The following SHOX2 variants were observed in gnomAD, a reference collection of about 807,000 sequenced individuals.
SHOX2 encodes short stature homeobox protein 2.
Under a neutral mutation model 31.3 loss-of-function variants are expected in SHOX2, and 13 were observed. The ratio of observed to expected loss-of-function variants is 0.42; its 90% CI spans 0.27 to 0.66. The LOEUF (loss-of-function observed/expected upper bound fraction) is 0.66, where lower values mean the gene tolerates loss of function less well. SHOX2 is among the 30% of genes least tolerant of loss of function. The pLI is 0.27. For synonymous variants in SHOX2, 244 were observed against 196.2 expected, an observed-to-expected ratio of 1.24 and a Z score of -2.04; for missense variants, 473 against 443.0, an observed-to-expected ratio of 1.07 and a Z score of -0.61.
At chr3:158,102,580 C>T in intron 2 of SHOX2, 98 bp downstream of exon 2, 1 of 928,722 alleles carries the variant, frequency 1.1e-6, no homozygotes, top group Non-Finnish European at 1.7e-6. Flanking sequence ...TTACACCAGA[C>T]ACTAGAAGCA....
At position 158,106,072 on chromosome 3, in the gene SHOX2, GCT is replaced by G. The variant is rs778795288; in HGVS notation, c.-50_-49del. The G allele has an allele frequency of 4.4e-6, 7 of 1,607,724 alleles. No individual in the cohort carries two copies. The Admixed American group carries it at 1.2e-4, about 27-fold the overall frequency. ...GCTCAACCTCTGCCAGCAGAGCCCC[GCT>G]CTTTTTTTCCTTCTTCTTTTTTTAC... On this transcript the variant is annotated 5_prime_UTR_variant, in exon 1 of 5. Transcript: ENST00000483851.
chr3:158,098,665 C>A (rs1242859526), intron 4 of SHOX2, among the ~76,000 whole-genome samples: 1 of 152,204 alleles, frequency 6.6e-6, no homozygotes, highest in Non-Finnish European at 1.5e-5. Flanking sequence ...ATCTCTTACC[C>A]CACTACCAAA....
In SHOX2 at chr3:158,096,322, A is replaced by G. The variant is rs1447834850; in HGVS notation, c.*1705T>C. ...AACAAAAACAAAACCCCACAAACTT[A>G]GGCTTGCTAGCGAATTGGGATACAG... On this transcript the variant is annotated 3_prime_UTR_variant, in exon 5 of 5. Transcript: ENST00000483851. 6.6e-6 allele frequency: 1 copy of G among 152,240 alleles called. No individual in the cohort carries two copies. Among genetic ancestry groups the G allele is most frequent in the Non-Finnish European group, 1.5e-5 (1 of 68,012 alleles). 9.4% of individuals were successfully genotyped at this position (152,240 alleles called of 1,614,324 possible). A position where few individuals can be genotyped will look rare whatever the true frequency, so the allele number is the denominator to read the frequency against.
rs1335056593 is a variant in SHOX2, at chr3:158,096,928, A to ATATATATATATATG, written c.*1098_*1099insCATATATATATATA. 4.1e-5 allele frequency: 5 copies of ATATATATATATATG among 121,232 alleles called. No individual in the cohort carries two copies. Among genetic ancestry groups the ATATATATATATATG allele is most frequent in the African/African-American group, 1.6e-4 (5 of 32,068 alleles). The allele number at this position is 121,232 out of a possible 1,614,324, so 7.5% of individuals were successfully genotyped here. A position where few individuals can be genotyped will look rare whatever the true frequency, so the allele number is the denominator to read the frequency against. On this transcript the variant is annotated 3_prime_UTR_variant, in exon 5 of 5. Coordinates refer to ENST00000483851, the MANE Select transcript of SHOX2 (RefSeq NM_001163678.2). ...TATATATATATATATATATATATAT[A>ATATATATATATATG]TATGGCAAATATATGATATATATAT...
At position 158,096,930 on chromosome 3, in the gene SHOX2, A is replaced by ATATATG. The variant is rs67436323; in HGVS notation, c.*1096_*1097insCATATA. 2,407 of 101,788 alleles carry ATATATG rather than the reference A, an allele frequency of 0.024. 194 individuals are homozygous for ATATATG. Among genetic ancestry groups the ATATATG allele is most frequent in the East Asian group, 0.096 (210 of 2,182 alleles). The allele number at this position is 101,788 out of a possible 1,614,324, so 6.3% of individuals were successfully genotyped here. On this transcript the variant is annotated 3_prime_UTR_variant, in exon 5 of 5. Transcript: ENST00000483851. ...TATATATATATATATATATATATAT[A>ATATATG]TGGCAAATATATGATATATATATAT...
At position 158,102,902 on chromosome 3, in the gene SHOX2, C is replaced by T; in HGVS notation, c.347-16G>A. On this transcript the variant is annotated splice_polypyrimidine_tract_variant and intron_variant, in intron 1 of 4. Coordinates refer to ENST00000483851, the MANE Select transcript of SHOX2 (RefSeq NM_001163678.2). ...TCCGGGGACACTGGAGGGGGCACCC[C>T]AGCGGGGCCACACGTGCATCCACAC... is the stretch of plus-strand genomic sequence containing the variant. 6.2e-7 allele frequency: 1 copy of T among 1,612,072 alleles called. No homozygotes were observed. Among genetic ancestry groups the T allele is most frequent in the Non-Finnish European group, 8.5e-7 (1 of 1,179,028 alleles).
In SHOX2 at chr3:158,096,972, A is replaced by G. The variant is rs1713158581; in HGVS notation, c.*1055T>C. ...TATATATATGGATATATATATATCA[A>G]TTTCCAGATACTTTTGGTATTGTTT... On this transcript the variant is annotated 3_prime_UTR_variant, in exon 5 of 5. Transcript: ENST00000483851. The G allele has an allele frequency of 7.2e-6, 1 of 138,410 alleles. No homozygotes were observed. Among genetic ancestry groups the G allele is most frequent in the South Asian group, 2.2e-4 (1 of 4,480 alleles). 8.6% of individuals were successfully genotyped at this position (138,410 alleles called of 1,614,324 possible).
rs778141323 is a variant in SHOX2 at position 158,099,890 on chromosome 3, G to A, written c.672C>T (p.Asn224=). ...GAAATGGCATCCTTAAAGCACCTAC[G>A]TTGACATAAGGTGCGACTCTACAAG... is the stretch of plus-strand genomic sequence containing the variant. ...FEACRVAPYV[N]VGALRMPFQQ... is the part of the protein sequence containing the mutation. Residue 224 remains asparagine (N), a synonymous_variant, in exon 4 of 5, where the codon AAC becomes AAT. Coordinates refer to ENST00000483851, the MANE Select transcript of SHOX2 (RefSeq NM_001163678.2). 1.4e-5 allele frequency: 23 copies of A among 1,614,064 alleles called. No individual in the cohort carries two copies. Among genetic ancestry groups the A allele is most frequent in the East Asian group, 4.5e-5 (2 of 44,878 alleles).
At position 158,098,117 on chromosome 3, in the gene SHOX2, GGCC is replaced by G. The variant is rs1559894689; in HGVS notation, c.867_869del (p.Ala294del). On this transcript the variant is annotated inframe_deletion, in exon 5 of 5. Coordinates refer to ENST00000483851, the MANE Select transcript of SHOX2 (RefSeq NM_001163678.2). ...TGCTGGTGGTCTTGGCGGCTGCTGC[GGCC>G]GCCACTACCGAGGCGGCGGAAGCCG... 6.2e-7 allele frequency: 1 copy of G among 1,611,130 alleles called. No homozygotes were observed. The highest frequency in any genetic ancestry group is 2.2e-5 in the East Asian group (1 of 44,854).
At position 158,102,793 on chromosome 3, in the gene SHOX2, A is replaced by T; in HGVS notation, c.440T>A (p.Phe147Tyr). 1 of 1,614,036 alleles carries T rather than the reference A, an allele frequency of 6.2e-7. No individual in the cohort carries two copies. The highest frequency in any genetic ancestry group is 1.3e-5 in the African/African-American group (1 of 74,978). ...KIKQRRSRTN[F>Y]TLEQLNELER... ...CAGCTCATTGAGTTGTTCCAGGGTGAAATTGGTCCGACTTCGCCTCTGCTT... is the reference window on the plus strand; with the variant it reads ...CAGCTCATTGAGTTGTTCCAGGGTGTAATTGGTCCGACTTCGCCTCTGCTT... Residue 147 changes from phenylalanine to tyrosine, a missense_variant, in exon 2 of 5, where the codon TTC becomes TAC. Physicochemically the swap from Phe to Tyr is conservative, Grantham distance 22. Around this residue, in one of 3 missense-constraint regions of SHOX2, gnomAD observed 276 missense variants for 230.0 expected, o/e 1.20. Coordinates refer to ENST00000483851, the MANE Select transcript of SHOX2 (RefSeq NM_001163678.2).
At position 158,096,933 on chromosome 3, in the gene SHOX2, G is replaced by GATATATAT. The variant is rs1713150466; in HGVS notation, c.*1093_*1094insATATATAT. On this transcript the variant is annotated 3_prime_UTR_variant, in exon 5 of 5. Transcript: ENST00000483851. Reference sequence around the variant, plus strand: ...ATATATATATATATATATATATATGGCAAATATATGATATATATATATGGA... The same window carrying GATATATAT: ...ATATATATATATATATATATATATGGATATATATCAAATATATGATATATATATATGGA... 7 of 20,846 alleles carry GATATATAT rather than the reference G, an allele frequency of 3.4e-4. No homozygotes were observed. The highest frequency in any genetic ancestry group is 5.8e-4 in the Non-Finnish European group (5 of 8,640). The allele number at this position is 20,846 out of a possible 1,614,324, so 1.3% of individuals were successfully genotyped here. A position where few individuals can be genotyped will look rare whatever the true frequency, so the allele number is the denominator to read the frequency against.
At position 158,102,879 on chromosome 3, in the gene SHOX2, C is replaced by T. The variant is rs368179422; in HGVS notation, c.354G>A (p.Pro118=). 30 of 1,613,758 alleles carry T rather than the reference C, an allele frequency of 1.9e-5. 1 individual carries two copies. The highest frequency in any genetic ancestry group is 1.6e-4 in the Middle Eastern group (1 of 6,072). Reference sequence around the variant, plus strand: ...CATCCTCTTTGCGATCTTTCAGCTCCGGGGACACTGGAGGGGGCACCCCAG... The same window carrying T: ...CATCCTCTTTGCGATCTTTCAGCTCTGGGGACACTGGAGGGGGCACCCCAG... ...PGSPRLTEVS[P]ELKDRKEDAK... The change falls in exon 2 of 5, where the codon CCG becomes CCA. Residue 118 remains proline (P), a synonymous_variant. Transcript: ENST00000483851.
chr3:158,102,320 T>G (rs1713541121), intron 2 of SHOX2, among the ~76,000 whole-genome samples: 1 of 152,100 alleles, frequency 6.6e-6, no homozygotes, highest in African/African-American at 2.4e-5. Flanking sequence ...CATCCAGAGA[T>G]AAAACGTTTT....
chr3:158,099,714 A>C, intron 4 of SHOX2, 146 bp downstream of exon 4: 1 of 658,990 alleles, frequency 1.5e-6, no homozygotes, highest in East Asian at 2.7e-5. Flanking sequence ...TTTAAAGGGT[A>C]GTGGGTCCAC....
rs773277772 is a variant in SHOX2 at position 158,102,788 on chromosome 3, G to A, written c.445C>T (p.Leu149=). 3 of 1,613,950 alleles carry A rather than the reference G, an allele frequency of 1.9e-6. No individual in the cohort carries two copies. The highest frequency in any genetic ancestry group is 2.7e-5 in the African/African-American group (2 of 74,880). Residue 149 remains leucine, a synonymous_variant, in exon 2 of 5, where the codon CTG becomes TTG. Coordinates refer to ENST00000483851, the MANE Select transcript of SHOX2 (RefSeq NM_001163678.2). ...CTCTCCAGCTCATTGAGTTGTTCCA[G>A]GGTGAAATTGGTCCGACTTCGCCTC... ...KQRRSRTNFT[L]EQLNELERLF...
intron 2 of SHOX2, 47 bp downstream of exon 2, chr3:158,102,631 A>C: frequency 4.6e-6 from 7 of 1,533,312 alleles, no homozygotes; most frequent in Non-Finnish European, 5.4e-6. Flanking sequence ...TTCCAACCCC[A>C]GGCTCTCTCT....
intron 1 of SHOX2, 120 bp from the exon 2 acceptor site, chr3:158,103,006 A>G (rs1253167604): frequency 2.1e-6 from 2 of 950,880 alleles, no homozygotes; most frequent in East Asian, 4.9e-5. Context: ...GCAAAAAAGA[A>G]TAGAGAATCC....
At chr3:158,100,337 T>A in intron 2 of SHOX2, 26 bp from the exon 3 acceptor site, 3 of 1,560,650 alleles carry the variant, frequency 1.9e-6, no homozygotes, top group Non-Finnish European at 1.7e-6. Flanking sequence ...GGAAAAAAAA[T>A]AAAACCTAGA....
chr3:158,099,556 T>A (rs1021064463), intron 4 of SHOX2, among the ~76,000 whole-genome samples: 2 of 152,194 alleles, frequency 1.3e-5, no homozygotes, highest in African/African-American at 4.8e-5. Flanking sequence ...TTTGACAAAA[T>A]CTTAATCAAA....
Sources: allele counts gnomAD v4.1 joint callset (sites outside exome capture counted in the v4.1 genomes callset), GRCh38; gene constraint gnomAD v4.1.1; regional missense constraint gnomAD v4.1.1; transcripts MANE v1.5; gene names NCBI Gene and HGNC (gene_info 2026-07-23, HGNC 2026-07-21).